Variants in LRMDA observed in about 807,000 individuals in gnomAD.
LRMDA encodes leucine-rich melanocyte differentiation-associated protein.
LRMDA carries 18 observed loss-of-function variants against 29.8 expected under a neutral mutation model. That is an observed-to-expected ratio of 0.60 (90% CI 0.42 to 0.90). The LOEUF (loss-of-function observed/expected upper bound fraction) is 0.90. Ranked by LOEUF, LRMDA falls within the 40% of genes least tolerant of loss-of-function variation. The pLI is 0.00. For synonymous variants in LRMDA, 125 were observed against 109.4 expected, an observed-to-expected ratio of 1.14 and a Z score of -0.89; for missense variants, 273 against 273.9, an observed-to-expected ratio of 1.00 and a Z score of 0.02.
chr10:75,931,944 G>A (rs1243912502), intron 2 of LRMDA, among the ~76,000 whole-genome samples: 3 of 152,262 alleles, frequency 2.0e-5, no homozygotes, highest in East Asian at 1.9e-4. Flanking sequence ...GTTAGGTCAC[G>A]AAATCCCTGA....
At chr10:76,020,582 T>G (rs914550558) in intron 2 of LRMDA, among the ~76,000 whole-genome samples, 9 of 152,170 alleles carry the variant, frequency 5.9e-5, no homozygotes, top group African/African-American at 1.9e-4. Context: ...TGAGGACATC[T>G]GGGCATCCAC....
At chr10:76,344,185 G>A (rs1056983910) in intron 6 of LRMDA, among the ~76,000 whole-genome samples, 1 of 152,042 alleles carries the variant, frequency 6.6e-6, no homozygotes, top group East Asian at 1.9e-4. Context: ...AATTCAGTGA[G>A]AAAGTAAAAT....
chr10:76,213,671 A>C (rs1851675039), intron 5 of LRMDA, among the ~76,000 whole-genome samples: 1 of 152,232 alleles, frequency 6.6e-6, no homozygotes. Flanking sequence ...CACATTCTTG[A>C]AATAATATAT....
At chr10:75,932,100 G>T (rs1327669382) in intron 2 of LRMDA, among the ~76,000 whole-genome samples, 1 of 152,154 alleles carries the variant, frequency 6.6e-6, no homozygotes, top group Non-Finnish European at 1.5e-5. Flanking sequence ...AGTTTTTTGG[G>T]TTCTCATTTC....
At chr10:76,338,230 A>G (rs1476494168) in intron 6 of LRMDA, among the ~76,000 whole-genome samples, 1 of 152,128 alleles carries the variant, frequency 6.6e-6, no homozygotes. Context: ...AGGGTGGCAT[A>G]TACCTACAAG....
chr10:76,177,992 T>C (rs1850972324), intron 5 of LRMDA, among the ~76,000 whole-genome samples: 1 of 152,204 alleles, frequency 6.6e-6, no homozygotes, highest in South Asian at 2.1e-4. Flanking sequence ...TTAGCTCACA[T>C]TGGCTGTTTG....
chr10:75,919,576 G>A (rs1316811503), intron 2 of LRMDA, among the ~76,000 whole-genome samples: 4 of 152,108 alleles, frequency 2.6e-5, no homozygotes, highest in South Asian at 2.1e-4. Context: ...TCTGTAGGAG[G>A]GAGTGATAGT....
chr10:76,133,868 T>C (rs1589342488), intron 5 of LRMDA, among the ~76,000 whole-genome samples: 1 of 150,580 alleles, frequency 6.6e-6, no homozygotes, highest in African/African-American at 2.4e-5. Context: ...AGGATGGGGG[T>C]GAGGGAGGCA....
intron 2 of LRMDA, among the ~76,000 whole-genome samples, chr10:75,745,270 C>T (rs1489758919): frequency 6.8e-6 from 1 of 146,668 alleles, no homozygotes; most frequent in Non-Finnish European, 1.5e-5. Flanking sequence ...CTCTCTTTCT[C>T]TCTCTCTCTC....
chr10:75,519,768 C>G (rs901473356), intron 2 of LRMDA, among the ~76,000 whole-genome samples: 1 of 152,222 alleles, frequency 6.6e-6, no homozygotes, highest in East Asian at 1.9e-4. Flanking sequence ...GCAATTTCTT[C>G]ATAGCATCCA....
chr10:76,549,238 G>A (rs1165982160), intron 6 of LRMDA, among the ~76,000 whole-genome samples: 2 of 152,078 alleles, frequency 1.3e-5, no homozygotes, highest in Non-Finnish European at 2.9e-5. Flanking sequence ...AGCCTCCCTG[G>A]TCTGGGAGGC....
At chr10:76,280,259 G>A (rs1840186080) in intron 5 of LRMDA, among the ~76,000 whole-genome samples, 1 of 152,162 alleles carries the variant, frequency 6.6e-6, no homozygotes, top group South Asian at 2.1e-4. Flanking sequence ...TTTGGTGGAT[G>A]TGATGGAAAG....
intron 2 of LRMDA, among the ~76,000 whole-genome samples, chr10:75,890,128 G>C (rs1025230037): frequency 8.5e-5 from 13 of 152,178 alleles, no homozygotes; most frequent in Non-Finnish European, 1.9e-4. Context: ...CTCACATCTT[G>C]AGATGGAAGG....
At chr10:76,075,693 C>T (rs541848766) in intron 5 of LRMDA, among the ~76,000 whole-genome samples, 7 of 152,302 alleles carry the variant, frequency 4.6e-5, no homozygotes, top group South Asian at 2.1e-4. Flanking sequence ...GCTCAGATTG[C>T]TCATCTGTAA....
intron 6 of LRMDA, among the ~76,000 whole-genome samples, chr10:76,366,091 T>C (rs1841389069): frequency 6.6e-6 from 1 of 152,184 alleles, no homozygotes; most frequent in Non-Finnish European, 1.5e-5. Context: ...TTCTGTTCCA[T>C]TGGTCTGAGT....
At chr10:75,489,400 G>A (rs1589158230) in intron 2 of LRMDA, among the ~76,000 whole-genome samples, 2 of 152,130 alleles carry the variant, frequency 1.3e-5, no homozygotes, top group African/African-American at 4.8e-5. Flanking sequence ...ACAAAATTGG[G>A]CCAAGCCCAG....
At chr10:75,526,047 T>TTTTA (rs933619980) in intron 2 of LRMDA, among the ~76,000 whole-genome samples, 9 of 151,382 alleles carry the variant, frequency 5.9e-5, no homozygotes, top group Non-Finnish European at 1.0e-4. Flanking sequence ...ATTATTATTA[T>TTTTA]TTTATTTATT....
At chr10:75,490,186 G>A (rs140818110) in intron 2 of LRMDA, among the ~76,000 whole-genome samples, 10 of 152,280 alleles carry the variant, frequency 6.6e-5, no homozygotes, top group African/African-American at 1.2e-4. Flanking sequence ...TGAGCCAGTC[G>A]TCTGGTTTCA....
intron 6 of LRMDA, among the ~76,000 whole-genome samples, chr10:76,441,413 A>G (rs1474812115): frequency 6.6e-6 from 1 of 152,192 alleles, no homozygotes; most frequent in Non-Finnish European, 1.5e-5. Flanking sequence ...TCTATGTGCC[A>G]CGGTTATGTC....
Sources: allele counts gnomAD v4.1 joint callset (sites outside exome capture counted in the v4.1 genomes callset), GRCh38; gene constraint gnomAD v4.1.1; transcripts MANE v1.5; gene names NCBI Gene and HGNC (gene_info 2026-07-23, HGNC 2026-07-21).